Variants in LMNTD1 observed in about 807,000 individuals in gnomAD.
The protein encoded by LMNTD1 is lamin tail domain containing 1.
LMNTD1 carries 35 observed loss-of-function variants against 50.9 expected under a neutral mutation model. The ratio of observed to expected loss-of-function variants is 0.69; its 90% CI spans 0.53 to 0.91. The LOEUF (loss-of-function observed/expected upper bound fraction) is 0.91. LMNTD1 is among the 40% of genes least tolerant of loss of function. The pLI is 0.00. For missense variants in LMNTD1, 470 were observed against 475.5 expected, an observed-to-expected ratio of 0.99 and a Z score of 0.11; for synonymous variants, 153 against 161.9, an observed-to-expected ratio of 0.94 and a Z score of 0.42.
At chr12:25,595,744 TGAAAG>T (rs1282951579) in intron 1 of LMNTD1, among the ~76,000 whole-genome samples, 3 of 151,070 alleles carry the variant, frequency 2.0e-5, no homozygotes, top group Non-Finnish European at 1.5e-5. Flanking sequence ...CAGAACTAAA[TGAAAG>T]TGAAACAGCA....
chr12:25,563,813 G>T (rs145545185), intron 1 of LMNTD1, among the ~76,000 whole-genome samples: 2 of 152,158 alleles, frequency 1.3e-5, no homozygotes, highest in Admixed American at 6.5e-5. Flanking sequence ...CTTTCAGGCC[G>T]CTTTGTTTAC....
rs552981307 is a variant in LMNTD1 at position 25,572,320 on chromosome 12, T to C, written c.59-25766A>G. 1.8e-3 allele frequency among the ~76,000 whole-genome samples: 274 copies of C among 152,324 alleles called. 4 individuals are homozygous for C. The highest frequency in any genetic ancestry group is 0.014 in the Middle Eastern group (4 of 294). On this transcript the variant is annotated intron_variant, in intron 1 of 7. Coordinates refer to the LMNTD1 transcript ENST00000445693. ...ATTTCCCCTTCCATTATATTCAGAG[T>C]ATTGTGATTTAATTTTATTTGATGC...
intron 1 of LMNTD1, among the ~76,000 whole-genome samples, chr12:25,622,075 A>T (rs1946483146): frequency 6.6e-6 from 1 of 152,208 alleles, no homozygotes; most frequent in Admixed American, 6.5e-5. Context: ...TTGCTGATGG[A>T]GCAAATGCTG....
chr12:25,591,000 A>G (rs528637022), intron 1 of LMNTD1, among the ~76,000 whole-genome samples: 1 of 152,296 alleles, frequency 6.6e-6, no homozygotes, highest in Non-Finnish European at 1.5e-5. Flanking sequence ...CACATGCTGC[A>G]TTGGCTACAG....
In LMNTD1 at chr12:25,526,156, T is replaced by C; in HGVS notation, c.741A>G (p.Gln247=). Residue 247 remains glutamine, a synonymous_variant, in exon 6 of 10, where the codon CAA becomes CAG. Transcript: ENST00000458174. Reference sequence around the variant, plus strand: ...AATCAGGACTTGCTCTAAACTTGTCTTGTTCCTTCCAAAGAAAATCTGATG... The same window carrying C: ...AATCAGGACTTGCTCTAAACTTGTCCTGTTCCTTCCAAAGAAAATCTGATG... ...QPPSDFLWKE[Q]DKFRASPDCI... The C allele has an allele frequency of 6.2e-7, 1 of 1,611,500 alleles. No homozygotes were observed. Among genetic ancestry groups the C allele is most frequent in the Non-Finnish European group, 8.5e-7 (1 of 1,178,540 alleles).
At chr12:25,484,139 C>G (rs1259140304) in intron 9 of LMNTD1, among the ~76,000 whole-genome samples, 1 of 151,896 alleles carries the variant, frequency 6.6e-6, no homozygotes. Context: ...AGAAAATATA[C>G]TTTATCCAAT....
chr12:25,619,981 A>G (rs1946437986), intron 1 of LMNTD1, among the ~76,000 whole-genome samples: 1 of 152,238 alleles, frequency 6.6e-6, no homozygotes, highest in Non-Finnish European at 1.5e-5. Context: ...TGAACTTAGT[A>G]TCTCCAAAAG....
chr12:25,587,123 C>T (rs1056978432), intron 1 of LMNTD1, among the ~76,000 whole-genome samples: 2 of 152,204 alleles, frequency 1.3e-5, no homozygotes, highest in African/African-American at 4.8e-5. Flanking sequence ...CATTTCTTAA[C>T]ACACTGAACT....
At chr12:25,584,621 A>G (rs1219893944) in intron 1 of LMNTD1, among the ~76,000 whole-genome samples, 1 of 152,262 alleles carries the variant, frequency 6.6e-6, no homozygotes, top group Non-Finnish European at 1.5e-5. Flanking sequence ...GCTTTGACAA[A>G]TAGTAAAGAA....
chr12:25,571,300 C>T (rs1317052343), intron 1 of LMNTD1, among the ~76,000 whole-genome samples: 2 of 152,018 alleles, frequency 1.3e-5, no homozygotes, highest in African/African-American at 4.8e-5. Flanking sequence ...TGATTTTTAG[C>T]TTCAGTCACC....
intron 9 of LMNTD1, among the ~76,000 whole-genome samples, chr12:25,493,657 A>G (rs749412344): frequency 6.6e-6 from 1 of 152,228 alleles, no homozygotes; most frequent in African/African-American, 2.4e-5. Flanking sequence ...CCCGTTCCCA[A>G]TGCATTTAGA....
At chr12:25,634,094 A>C (rs1412219959) in intron 1 of LMNTD1, among the ~76,000 whole-genome samples, 1 of 152,212 alleles carries the variant, frequency 6.6e-6, no homozygotes, top group Non-Finnish European at 1.5e-5. Context: ...GAGAAGGATA[A>C]ATTCTTGGAA....
intron 4 of LMNTD1, among the ~76,000 whole-genome samples, chr12:25,545,296 T>C (rs1053521078): frequency 2.0e-5 from 3 of 151,684 alleles, no homozygotes; most frequent in Non-Finnish European, 1.5e-5. Context: ...CTGACCTACA[T>C]GGTTTCCACT....
intron 4 of LMNTD1, among the ~76,000 whole-genome samples, chr12:25,533,524 C>T (rs1264222400): frequency 3.9e-5 from 6 of 152,024 alleles, no homozygotes; most frequent in Non-Finnish European, 8.8e-5. Flanking sequence ...CTGCGGTTTG[C>T]TAAAATTATC....
At chr12:25,552,474 C>T (rs1015225981) in intron 2 of LMNTD1, among the ~76,000 whole-genome samples, 7 of 148,144 alleles carry the variant, frequency 4.7e-5, no homozygotes, top group East Asian at 2.0e-4. Context: ...GGCGTGGTGG[C>T]GGGCGCCTGT....
chr12:25,549,637 A>G (rs1215390537), intron 2 of LMNTD1, 91 bp from the exon 3 acceptor site: 4 of 651,068 alleles, frequency 6.1e-6, no homozygotes, highest in South Asian at 3.4e-5. Context: ...ATTACCCAGA[A>G]TTCTGCTTTT....
At position 25,619,252 on chromosome 12, in the gene LMNTD1, C is replaced by CTCTCTATA. The variant is rs1374134268; in HGVS notation, c.58+29241_58+29242insTATAGAGA. Among the ~76,000 whole-genome samples the CTCTCTATA allele has an allele frequency of 1.2e-3, 99 of 84,366 alleles. 1 individual carries two copies. In the East Asian group the frequency reaches 0.015, roughly 13 times the overall value. 55.3% of individuals were successfully genotyped at this position (84,366 alleles called of 152,430 possible). The stretch of plus-strand genomic sequence containing the variant: ...TCTCTCTCTCTCTCTCTCTCTCTCT[C>CTCTCTATA]TATATATATATATATATATATATAT... On this transcript the variant is annotated intron_variant, in intron 1 of 7. Transcript: ENST00000445693.
intron 9 of LMNTD1, among the ~76,000 whole-genome samples, chr12:25,482,975 C>G (rs1169094263): frequency 6.6e-6 from 1 of 152,002 alleles, no homozygotes; most frequent in African/African-American, 2.4e-5. Context: ...GTTTTCAAAG[C>G]AGTGACAATA....
chr12:25,507,511 T>G (rs963991823), intron 8 of LMNTD1, among the ~76,000 whole-genome samples: 1 of 152,228 alleles, frequency 6.6e-6, no homozygotes, highest in Non-Finnish European at 1.5e-5. Flanking sequence ...TTTAACAGTC[T>G]GGACATGTGC....
Sources: allele counts gnomAD v4.1 joint callset (sites outside exome capture counted in the v4.1 genomes callset), GRCh38; gene constraint gnomAD v4.1.1; transcripts MANE v1.5; gene names NCBI Gene and HGNC (gene_info 2026-07-23, HGNC 2026-07-21).